The following AVEN variants were observed in gnomAD, a reference collection of about 807,000 sequenced individuals.
AVEN encodes the protein cell death regulator Aven.
AVEN carries 41 observed loss-of-function variants against 38.1 expected under a neutral mutation model. The ratio of observed to expected loss-of-function variants is 1.08; its 90% confidence interval spans 0.84 to 1.40. AVEN has a LOEUF of 1.40. Ranked by LOEUF, AVEN falls within the 40% of genes most tolerant of loss-of-function variation. The pLI is 0.00. For synonymous variants in AVEN, 206 were observed against 171.8 expected (o/e 1.20, Z -1.56); for missense variants, 605 against 438.8 (o/e 1.38, Z -3.38).
At chr15:34,040,301 AG>A, upstream of AVEN, among the ~76,000 whole-genome samples, 1 of 152,324 alleles carries the variant, frequency 6.6e-6, no homozygotes, top group Middle Eastern at 3.4e-3. Flanking sequence ...GGTCCAAAGA[AG>A]AAAAGTTAAA....
chr15:34,031,168 A>ATTTTTTTTTTTTTTTTTTTTTTT, intron 1 of AVEN, among the ~76,000 whole-genome samples: 1 of 67,590 alleles, frequency 1.5e-5, no homozygotes. Flanking sequence ...GCTTAGGTTA[A>ATTTTTTTTTTTTTTTTTTTTTTT]TTTTTTTTTT....
In AVEN at chr15:33,860,743, T is replaced by C. The variant is rs1028542547; in HGVS notation, n.2730-1649A>G. On this transcript the variant is annotated intron_variant and non_coding_transcript_variant, in intron 11 of 11. Transcript: ENST00000675287. ...ATTTTTTAAACAATAGGTTTTACTATTACTTAGGGCCAGTACTAAGCAAGA... is the reference window on the plus strand; with the variant it reads ...ATTTTTTAAACAATAGGTTTTACTACTACTTAGGGCCAGTACTAAGCAAGA... 15 of 1,041,286 alleles carry C rather than the reference T, an allele frequency of 1.4e-5. No homozygotes were observed. In the African/African-American group the frequency reaches 2.2e-4, roughly 16 times the overall value. The allele number at this position is 1,041,286 out of a possible 1,614,324, so 64.5% of individuals were successfully genotyped here. A position where few individuals can be genotyped will look rare whatever the true frequency, so the allele number is the denominator to read the frequency against.
chr15:33,938,314 G>A (rs1033861968), intron 2 of AVEN, among the ~76,000 whole-genome samples: 4 of 152,016 alleles, frequency 2.6e-5, no homozygotes, highest in Non-Finnish European at 5.9e-5. Context: ...AATTAGCCGG[G>A]CGTGGTGGTG....
chr15:34,074,135 C>G (rs1900690008), intron 1 of AVEN, among the ~76,000 whole-genome samples: 1 of 148,042 alleles, frequency 6.8e-6, no homozygotes, highest in African/African-American at 2.5e-5. Flanking sequence ...GTAGCTGGGA[C>G]CACAGGTGCA....
chr15:34,017,892 G>A (rs184817581), intron 1 of AVEN, among the ~76,000 whole-genome samples: 61 of 152,264 alleles, frequency 4.0e-4, no homozygotes, highest in Admixed American at 9.8e-4. Context: ...GGTCCCATAA[G>A]GTTATAATGG....
chr15:33,947,458 G>A lies in AVEN; in HGVS notation c.445+55574C>T, dbSNP rs574331358. On this transcript the variant is annotated intron_variant, in intron 2 of 5. Transcript: ENST00000306730. ...ACATCTGTAATACGTAGATGCGTTT[G>A]GGGACCACATCCAGTCATCCCACCA... Among the ~76,000 whole-genome samples, 23 of 152,298 alleles carry A rather than the reference G, an allele frequency of 1.5e-4. No homozygotes were observed. In the South Asian group the frequency reaches 3.3e-3, roughly 22 times the overall value.
In AVEN at chr15:33,876,077, G is replaced by C. The variant is rs188475908; in HGVS notation, c.446-82C>G. On this transcript the variant is annotated intron_variant, in intron 2 of 5. Transcript: ENST00000306730. ...TCTAAATTTCCCTGCTAGAGCAAAA[G>C]TGCCATTTCTGAAGTGCTCAAACTC... 3,534 of 1,350,454 alleles carry C rather than the reference G, an allele frequency of 2.6e-3. 5 individuals carry two copies. The highest frequency in any genetic ancestry group is 3.4e-3 in the Non-Finnish European group (3,322 of 976,118). 83.7% of individuals were successfully genotyped at this position (1,350,454 alleles called of 1,614,324 possible).
At chr15:34,046,739 C>G (rs1308370284) in intron 5 of AVEN, 1 of 152,294 alleles carries the variant, frequency 6.6e-6, no homozygotes, top group Non-Finnish European at 1.5e-5. Flanking sequence ...ACTGAAATAT[C>G]CAGGTTCTCG....
intron 1 of AVEN, among the ~76,000 whole-genome samples, chr15:34,025,981 T>C (rs1207895859): frequency 6.6e-6 from 1 of 152,228 alleles, no homozygotes; most frequent in Non-Finnish European, 1.5e-5. Flanking sequence ...AATCACAATA[T>C]ATTTGTAGAA....
In AVEN at chr15:34,038,898, C is replaced by G; in HGVS notation, c.149G>C (p.Arg50Pro). Residue 50 changes from arginine to proline, a missense_variant, in exon 1 of 6, where the codon CGC becomes CCC. Arg to Pro is a moderately radical substitution (Grantham distance 103). Transcript: ENST00000306730. The stretch of plus-strand genomic sequence containing the variant: ...GCCCCGGCCACGGCCACGGCCCCGG[C>G]GTCCGCCTCCGTCCCCGCCGCCGCC... ...GGGGGGDGGG[R>P]RGRGRGRGFR... 2 of 1,123,234 alleles carry G rather than the reference C, an allele frequency of 1.8e-6. No individual in the cohort carries two copies. Among genetic ancestry groups the G allele is most frequent in the Non-Finnish European group, 2.2e-6 (2 of 924,270 alleles). 69.6% of individuals were successfully genotyped at this position (1,123,234 alleles called of 1,614,324 possible). A position where few individuals can be genotyped will look rare whatever the true frequency, so the allele number is the denominator to read the frequency against.
intron 2 of AVEN, among the ~76,000 whole-genome samples, chr15:33,899,138 T>C (rs1335311409): frequency 1.5e-5 from 2 of 129,336 alleles, no homozygotes; most frequent in Non-Finnish European, 3.5e-5. Context: ...CAGCAGACTT[T>C]TGGGGACCAC....
intron 2 of AVEN, among the ~76,000 whole-genome samples, chr15:33,973,320 C>G (rs1352970198): frequency 6.6e-6 from 1 of 152,276 alleles, no homozygotes; most frequent in African/African-American, 2.4e-5. Context: ...TTTTTTGGTA[C>G]AGTAACCTAG....
chr15:33,888,589 A>C (rs28711094), intron 2 of AVEN, among the ~76,000 whole-genome samples: 3,787 of 152,322 alleles, frequency 0.025, 154 homozygotes, highest in African/African-American at 0.086. Flanking sequence ...TCCTGGATGA[A>C]ACTTTACAAC....
intron 1 of AVEN, among the ~76,000 whole-genome samples, chr15:34,032,918 C>A (rs1272153289): frequency 6.6e-6 from 1 of 152,130 alleles, no homozygotes; most frequent in Non-Finnish European, 1.5e-5. Context: ...GATGGAGAAC[C>A]TAATACAGTC....
At chr15:33,988,077 C>T (rs755174590) in intron 2 of AVEN, among the ~76,000 whole-genome samples, 4 of 152,234 alleles carry the variant, frequency 2.6e-5, no homozygotes, top group Non-Finnish European at 4.4e-5. Context: ...CTGCAGCTCC[C>T]AAGCCTTGGG....
chr15:33,858,751 C>G (rs1198299801), downstream of AVEN: 1 of 152,246 alleles, frequency 6.6e-6, no homozygotes, highest in Non-Finnish European at 1.5e-5. Context: ...AGTAAGCCAG[C>G]TTGGCTGCAG....
chr15:33,988,935 T>C (rs1896599417), intron 2 of AVEN, among the ~76,000 whole-genome samples: 1 of 152,246 alleles, frequency 6.6e-6, no homozygotes, highest in African/African-American at 2.4e-5. Context: ...CTAAATCCCC[T>C]GTATTTTAGT....
chr15:34,008,432 A>C (rs1199024695), intron 1 of AVEN, among the ~76,000 whole-genome samples: 1 of 151,546 alleles, frequency 6.6e-6, no homozygotes, highest in East Asian at 2.0e-4. Context: ...AAAAAGAAAA[A>C]AAAAAAGAAG....
chr15:33,913,392 G>A (rs1229961182), intron 2 of AVEN, among the ~76,000 whole-genome samples: 1 of 152,208 alleles, frequency 6.6e-6, no homozygotes, highest in African/African-American at 2.4e-5. Context: ...CTATTAATGA[G>A]GAGGATAATA....
Sources: gnomAD v4.1 joint callset for allele counts (sites outside exome capture counted in the v4.1 genomes callset) on GRCh38, gnomAD v4.1.1 for gene constraint, MANE v1.5 for transcripts, NCBI Gene and HGNC (gene_info 2026-07-23, HGNC 2026-07-21) for gene names.